Variants in FKTN observed in about 807,000 individuals in gnomAD.
FKTN encodes ribitol-5-phosphate transferase FKTN.
In FKTN, 47 loss-of-function variants were observed where a neutral mutation model predicts 58.6. The observed-to-expected ratio is 0.80, with a 90% CI of 0.63 to 1.02. The LOEUF (loss-of-function observed/expected upper bound fraction) is 1.02, where lower values mean the gene tolerates loss of function less well. Among genes scored for constraint, FKTN ranks in the 50% least tolerant of loss-of-function variants. The pLI is 0.00. For synonymous variants in FKTN, 178 were observed against 191.9 expected (o/e 0.93, Z 0.60); for missense variants, 516 against 537.3 (o/e 0.96, Z 0.39).
At position 105,580,596 on chromosome 9, in the gene FKTN, A is replaced by C. The variant is rs554265103; in HGVS notation, c.105+5459A>C. ...CCGACCTTTCTCTCTGGCTGCCCTT[A>C]ACATTTTTTCCTTCATTTCAACTTT... On this transcript the variant is annotated intron_variant, in intron 3 of 10. Coordinates refer to ENST00000357998, the MANE Select transcript of FKTN (RefSeq NM_001079802.2). Among the ~76,000 whole-genome samples the C allele has an allele frequency of 3.4e-4, 27 of 78,314 alleles. 1 individual carries two copies. In the South Asian group the frequency reaches 0.014, roughly 41 times the overall value. 51.4% of individuals were successfully genotyped at this position (78,314 alleles called of 152,430 possible). A position where few individuals can be genotyped will look rare whatever the true frequency, so the allele number is the denominator to read the frequency against.
intron 8 of FKTN, 126 bp downstream of exon 8, chr9:105,615,533 G>A: frequency 2.3e-6 from 2 of 876,354 alleles, no homozygotes; most frequent in Middle Eastern, 2.2e-4. Context: ...GAATAAACAT[G>A]AGTGCATGCA....
At chr9:105,576,071 G>A (rs890509709) in intron 3 of FKTN, among the ~76,000 whole-genome samples, 1 of 151,938 alleles carries the variant, frequency 6.6e-6, no homozygotes, top group East Asian at 1.9e-4. Flanking sequence ...TAAGACTGGG[G>A]GAAGTTTATT....
intron 1 of FKTN, among the ~76,000 whole-genome samples, chr9:105,560,449 C>T (rs909256022): frequency 2.0e-5 from 3 of 152,190 alleles, no homozygotes; most frequent in Non-Finnish European, 4.4e-5. Flanking sequence ...TATTAAGCCA[C>T]TACCACTACC....
intron 3 of FKTN, among the ~76,000 whole-genome samples, chr9:105,577,444 G>C (rs1277254224): frequency 6.8e-6 from 1 of 146,024 alleles, no homozygotes; most frequent in Non-Finnish European, 1.5e-5. Flanking sequence ...CCCATTTCTT[G>C]TTTTTCTCAG....
At position 105,635,090 on chromosome 9, in the gene FKTN, T is replaced by A; in HGVS notation, c.1212T>A (p.Phe404Leu). The part of the protein sequence containing the change: ...FPKFTLCWTE[F>L]VDMKVHVPCE... Reference sequence around the variant, plus strand: ...AGTTTACACTGTGCTGGACTGAGTTTGTAGACATGAAGGTCCATGTACCCT... The same window carrying A: ...AGTTTACACTGTGCTGGACTGAGTTAGTAGACATGAAGGTCCATGTACCCT... Residue 404 changes from phenylalanine to leucine, a missense_variant, in exon 11 of 11, where the codon TTT becomes TTA. Coordinates refer to ENST00000357998, the MANE Select transcript of FKTN (RefSeq NM_001079802.2). 1.2e-6 allele frequency: 2 copies of A among 1,614,180 alleles called. No homozygotes were observed. Among genetic ancestry groups the A allele is most frequent in the Non-Finnish European group, 1.7e-6 (2 of 1,180,020 alleles).
chr9:105,560,817 G>A (rs776408359), intron 1 of FKTN, among the ~76,000 whole-genome samples: 6 of 152,108 alleles, frequency 3.9e-5, no homozygotes, highest in South Asian at 2.1e-4. Context: ...GGCCAGGCAC[G>A]GTGGCTCACG....
At chr9:105,592,209 G>C (rs1428237345) in intron 3 of FKTN, among the ~76,000 whole-genome samples, 1 of 152,198 alleles carries the variant, frequency 6.6e-6, no homozygotes, top group East Asian at 1.9e-4. Context: ...ACATGGCCAG[G>C]CTGCAAATTT....
chr9:105,565,414 C>T (rs1839356368), intron 1 of FKTN, among the ~76,000 whole-genome samples: 1 of 152,102 alleles, frequency 6.6e-6, no homozygotes, highest in South Asian at 2.1e-4. Context: ...ATCTCACATG[C>T]AAAGACACAC....
chr9:105,588,615 G>C (rs1844322096), intron 3 of FKTN, among the ~76,000 whole-genome samples: 1 of 152,068 alleles, frequency 6.6e-6, no homozygotes, highest in South Asian at 2.1e-4. Flanking sequence ...TTTTTTCAAA[G>C]CACACTTCAT....
chr9:105,568,986 G>A (rs1168578770), intron 1 of FKTN, among the ~76,000 whole-genome samples: 1 of 152,170 alleles, frequency 6.6e-6, no homozygotes, highest in Middle Eastern at 3.2e-3. Flanking sequence ...CATGTCCTTT[G>A]TAGGGACATG....
chr9:105,577,617 T>C (rs1253612792), intron 3 of FKTN, among the ~76,000 whole-genome samples: 2 of 149,608 alleles, frequency 1.3e-5, no homozygotes, highest in Admixed American at 1.3e-4. Flanking sequence ...CCTCCAGCTT[T>C]GTTCTTTTGG....
chr9:105,575,347 T>A (rs918970728), intron 3 of FKTN, among the ~76,000 whole-genome samples: 1 of 152,226 alleles, frequency 6.6e-6, no homozygotes, highest in African/African-American at 2.4e-5. Context: ...TTTAATCTAT[T>A]GGAATTTCCT....
In FKTN at chr9:105,636,702, A is replaced by T. The variant is rs199806635; in HGVS notation, c.*1438A>T. ...GGAAGCTGAATCTTATATCTTATCT[A>T]TGCTATTTAGGACTACTTTCTGGAG... On this transcript the variant is annotated 3_prime_UTR_variant, in exon 11 of 11. Coordinates refer to ENST00000357998, the MANE Select transcript of FKTN (RefSeq NM_001079802.2). The T allele has an allele frequency of 1.5e-6, 2 of 1,293,952 alleles. No homozygotes were observed. Among genetic ancestry groups the T allele is most frequent in the Non-Finnish European group, 2.0e-6 (2 of 981,616 alleles). The allele number at this position is 1,293,952 out of a possible 1,614,324, so 80.2% of individuals were successfully genotyped here. A position where few individuals can be genotyped will look rare whatever the true frequency, so the allele number is the denominator to read the frequency against.
intron 5 of FKTN, among the ~76,000 whole-genome samples, chr9:105,602,450 T>C (rs1828048230): frequency 6.6e-6 from 1 of 152,234 alleles, no homozygotes; most frequent in Admixed American, 6.5e-5. Flanking sequence ...AAACTGATAC[T>C]ACCATAGTCA....
At chr9:105,563,195 A>C (rs1484652470) in intron 1 of FKTN, among the ~76,000 whole-genome samples, 3 of 152,228 alleles carry the variant, frequency 2.0e-5, no homozygotes, top group Non-Finnish European at 4.4e-5. Context: ...CCGAATAGGA[A>C]CAGCTCCAGT....
chr9:105,588,453 A>T (rs1844290027), intron 3 of FKTN, among the ~76,000 whole-genome samples: 1 of 152,254 alleles, frequency 6.6e-6, no homozygotes, highest in African/African-American at 2.4e-5. Flanking sequence ...ACTGTGTGCC[A>T]AGCACAGTAA....
intron 3 of FKTN, among the ~76,000 whole-genome samples, chr9:105,579,116 G>C (rs937962522): frequency 5.3e-5 from 8 of 152,036 alleles, no homozygotes; most frequent in African/African-American, 1.7e-4. Flanking sequence ...CAAAAAACCA[G>C]CTCCTGGATT....
chr9:105,627,672 G>A lies in FKTN; in HGVS notation c.1173-7379G>A, dbSNP rs938555986. On this transcript the variant is annotated intron_variant, in intron 10 of 10. Coordinates refer to ENST00000357998, the MANE Select transcript of FKTN (RefSeq NM_001079802.2). ...ACTTCTGCTCATTCAAGGGCCTTAC[G>A]TTGCTGTCTGTTTGAACTAGCTTCT... Among the ~76,000 whole-genome samples the A allele has an allele frequency of 4.0e-5, 6 of 151,832 alleles. No individual in the cohort carries two copies. In the South Asian group the frequency reaches 8.3e-4, roughly 21 times the overall value.
intron 10 of FKTN, among the ~76,000 whole-genome samples, chr9:105,625,842 A>G (rs1832674144): frequency 6.6e-6 from 1 of 152,150 alleles, no homozygotes; most frequent in African/African-American, 2.4e-5. Flanking sequence ...CCAGTAAAAA[A>G]AAAAAAGTAT....
Sources: gnomAD v4.1 joint callset for allele counts (sites outside exome capture counted in the v4.1 genomes callset) on GRCh38, gnomAD v4.1.1 for gene constraint, MANE v1.5 for transcripts, NCBI Gene and HGNC (gene_info 2026-07-23, HGNC 2026-07-21) for gene names.